The following CD1B variants were observed in gnomAD, a reference collection of about 807,000 sequenced individuals.
CD1B encodes the protein T-cell surface glycoprotein CD1b.
Under a neutral mutation model 39.8 loss-of-function variants are expected in CD1B, and 43 were observed. The ratio of observed to expected loss-of-function variants is 1.08; its 90% CI spans 0.85 to 1.39. The LOEUF is 1.39. Ranked by LOEUF, CD1B falls within the 40% of genes most tolerant of loss-of-function variation. The pLI, the probability that CD1B is intolerant of heterozygous loss-of-function variation, is 0.00. For missense variants in CD1B, 495 were observed against 403.8 expected (o/e 1.23, Z -1.94); for synonymous variants, 192 against 152.5 (o/e 1.26, Z -1.91).
the CD1B span, among the ~76,000 whole-genome samples, chr1:158,294,361 G>A: frequency 1.3e-5 from 2 of 152,186 alleles, no homozygotes; most frequent in Admixed American, 1.3e-4. Flanking sequence ...TTTGGGTACT[G>A]AGTTGAGACA....
At chr1:158,306,707 G>A in the CD1B span, among the ~76,000 whole-genome samples, 1 of 152,126 alleles carries the variant, frequency 6.6e-6, no homozygotes, top group Non-Finnish European at 1.5e-5. Context: ...AAATGTAAAA[G>A]AACAGAAATT....
At chr1:158,330,164 C>A (rs1453989497) in intron 2 of CD1B, 34 bp from the exon 3 acceptor site, 7 of 1,547,348 alleles carry the variant, frequency 4.5e-6, no homozygotes, top group Admixed American at 4.4e-5. Flanking sequence ...AGTTATTAAA[C>A]ACAAATAAGA....
At chr1:158,319,180 C>G in the CD1B span, among the ~76,000 whole-genome samples, 2 of 151,216 alleles carry the variant, frequency 1.3e-5, no homozygotes, top group East Asian at 3.9e-4. Context: ...TTGTGGTGTT[C>G]TCTGTATTTC....
chr1:158,307,066 G>T, the CD1B span, among the ~76,000 whole-genome samples: 1 of 152,174 alleles, frequency 6.6e-6, no homozygotes, highest in African/African-American at 2.4e-5. Flanking sequence ...CAGAAGGCAA[G>T]AAATAACTAA....
chr1:158,328,747 G>A (rs993816425), intron 5 of CD1B, among the ~76,000 whole-genome samples, 174 bp downstream of exon 5: 2 of 152,100 alleles, frequency 1.3e-5, no homozygotes, highest in Non-Finnish European at 2.9e-5. Flanking sequence ...TATGTTATGT[G>A]TATTTTAACA....
the CD1B span, among the ~76,000 whole-genome samples, chr1:158,319,523 T>A: frequency 1.3e-5 from 2 of 152,258 alleles, no homozygotes; most frequent in African/African-American, 4.8e-5. Context: ...ATCACTCCTT[T>A]AAGCACTTCT....
the CD1B span, among the ~76,000 whole-genome samples, chr1:158,312,197 A>G: frequency 0.55 from 83,363 of 152,034 alleles, 26,193 homozygotes; most frequent in African/African-American, 0.85. Context: ...TAATTCCCAT[A>G]TGTTGTGGGA....
At chr1:158,304,451 G>C in the CD1B span, among the ~76,000 whole-genome samples, 2 of 152,254 alleles carry the variant, frequency 1.3e-5, no homozygotes, top group East Asian at 3.9e-4. Flanking sequence ...AAGCTCGAAT[G>C]GGGTGTAGCC....
the CD1B span, among the ~76,000 whole-genome samples, chr1:158,300,559 T>C: frequency 6.6e-6 from 1 of 152,284 alleles, no homozygotes. Flanking sequence ...CTTGTTGATC[T>C]GCCTAATATT....
the CD1B span, chr1:158,293,184 C>T: frequency 2.6e-6 from 4 of 1,527,064 alleles, no homozygotes; most frequent in Non-Finnish European, 3.6e-6. Flanking sequence ...TTTAAAATGG[C>T]ATCCATGTAT....
At chr1:158,308,674 C>T in the CD1B span, among the ~76,000 whole-genome samples, 1 of 152,136 alleles carries the variant, frequency 6.6e-6, no homozygotes, top group African/African-American at 2.4e-5. Context: ...AGAAATAACG[C>T]CACATATCTA....
chr1:158,290,113 G>A, the CD1B span: 3 of 1,613,946 alleles, frequency 1.9e-6, no homozygotes, highest in Non-Finnish European at 2.5e-6. Flanking sequence ...CCCAGGTGGT[G>A]ACAATGCAGA....
At chr1:158,314,778 G>A in the CD1B span, among the ~76,000 whole-genome samples, 1 of 151,176 alleles carries the variant, frequency 6.6e-6, no homozygotes, top group Non-Finnish European at 1.5e-5. Context: ...CTAGCATTAG[G>A]TATATCTCCC....
At chr1:158,299,439 C>T in the CD1B span, among the ~76,000 whole-genome samples, 3 of 152,260 alleles carry the variant, frequency 2.0e-5, no homozygotes, top group South Asian at 2.1e-4. Flanking sequence ...GAGGATTTTG[C>T]ATCAGTGTTC....
At chr1:158,304,884 T>C in the CD1B span, among the ~76,000 whole-genome samples, 1 of 152,104 alleles carries the variant, frequency 6.6e-6, no homozygotes, top group African/African-American at 2.4e-5. Context: ...GTCCTGACTG[T>C]TAGAAGGAAA....
downstream of CD1B, among the ~76,000 whole-genome samples, chr1:158,327,145 A>G (rs182694476): frequency 6.6e-6 from 1 of 152,332 alleles, no homozygotes; most frequent in East Asian, 1.9e-4. Flanking sequence ...TCCATTTTAC[A>G]GAGTGCAGAT....
chr1:158,322,737 CT>C, the CD1B span, among the ~76,000 whole-genome samples: 1 of 152,036 alleles, frequency 6.6e-6, no homozygotes, highest in Non-Finnish European at 1.5e-5. Flanking sequence ...GCCTTTATCT[CT>C]CCTTCATTTC....
chr1:158,297,843 G>A, the CD1B span, among the ~76,000 whole-genome samples: 21 of 151,906 alleles, frequency 1.4e-4, no homozygotes, highest in Non-Finnish European at 2.8e-4. Context: ...GCTGAGGTAG[G>A]AGGATCACCC....
chr1:158,288,188 A>T, the CD1B span, among the ~76,000 whole-genome samples: 1 of 152,228 alleles, frequency 6.6e-6, no homozygotes, highest in African/African-American at 2.4e-5. Flanking sequence ...GTAGGATTTG[A>T]ACTGGGTATT....
Sources: gnomAD v4.1 joint callset for allele counts (sites outside exome capture counted in the v4.1 genomes callset) on GRCh38, gnomAD v4.1.1 for gene constraint, MANE v1.5 for transcripts, NCBI Gene and HGNC (gene_info 2026-07-23, HGNC 2026-07-21) for gene names.